The following MYBL1 variants were observed in gnomAD, a reference collection of about 807,000 sequenced individuals.
The protein encoded by MYBL1 is myb-related protein A.
A neutral mutation model predicts 96.3 loss-of-function variants in MYBL1; 17 were observed. That is an observed-to-expected ratio of 0.18 (90% CI 0.12 to 0.26). The LOEUF (loss-of-function observed/expected upper bound fraction) is 0.26, where lower values mean the gene tolerates loss of function less well. MYBL1 is among the 10% of genes least tolerant of loss of function. The pLI is 1.00. For missense variants in MYBL1, 701 were observed against 882.9 expected, an observed-to-expected ratio of 0.79 and a Z score of 2.61; for synonymous variants, 282 against 292.7, an observed-to-expected ratio of 0.96 and a Z score of 0.37.
At chr8:66,583,370 T>C (rs1809291564) in intron 8 of MYBL1, among the ~76,000 whole-genome samples, 1 of 151,812 alleles carries the variant, frequency 6.6e-6, no homozygotes, top group African/African-American at 2.4e-5. Context: ...TAGAAATAAA[T>C]ACCTACACCA....
At chr8:66,603,769 G>A (rs1291698522) in intron 1 of MYBL1, among the ~76,000 whole-genome samples, 3 of 151,902 alleles carry the variant, frequency 2.0e-5, no homozygotes, top group Non-Finnish European at 4.4e-5. Flanking sequence ...CAAATCCCAC[G>A]CTTGAGATTA....
chr8:66,590,892 T>C (rs1809611431), intron 8 of MYBL1, among the ~76,000 whole-genome samples: 1 of 152,144 alleles, frequency 6.6e-6, no homozygotes, highest in South Asian at 2.1e-4. Context: ...TTAAATAGTT[T>C]CAAATAGTTA....
At chr8:66,580,010 T>C (rs1809134552) in intron 9 of MYBL1, 123 bp downstream of exon 9, 1 of 703,948 alleles carries the variant, frequency 1.4e-6, no homozygotes, top group African/African-American at 1.8e-5. Flanking sequence ...CTGCAAAATA[T>C]CAGAACAAAA....
At chr8:66,584,409 T>C (rs1809333795) in intron 8 of MYBL1, among the ~76,000 whole-genome samples, 1 of 151,948 alleles carries the variant, frequency 6.6e-6, no homozygotes, top group Admixed American at 6.6e-5. Context: ...GCATCCAAAA[T>C]GGAAAAAAGG....
rs1808422033 is a variant in MYBL1 at position 66,564,383 on chromosome 8, A to G, written c.*314T>C. ...AACAAAACTGCAGCATCAAGAGAGT[A>G]GCAACATATATCTTGTGAAGAAAAT... On this transcript the variant is annotated 3_prime_UTR_variant, in exon 16 of 16. Coordinates refer to ENST00000522677, the MANE Select transcript of MYBL1 (RefSeq NM_001080416.4). 5.8e-6 allele frequency: 1 copy of G among 171,114 alleles called. No homozygotes were observed. The highest frequency in any genetic ancestry group is 6.2e-5 in the Admixed American group (1 of 16,180). The allele number at this position is 171,114 out of a possible 1,614,324, so 10.6% of individuals were successfully genotyped here.
At chr8:66,575,267 AC>A (rs113567066) in intron 10 of MYBL1, among the ~76,000 whole-genome samples, 20,287 of 152,042 alleles carry the variant, frequency 0.13, 3,229 homozygotes, top group African/African-American at 0.38. Flanking sequence ...AAAAGGAAAA[AC>A]CTCAGTGGGC....
In MYBL1 at chr8:66,596,750, C is replaced by A. The variant is rs559488389; in HGVS notation, c.512+580G>T. ...TTCACAAGGTTGTTGGTCTGCTGTA[C>A]TAAACGCTATTAGAAAACATATGAA... On this transcript the variant is annotated intron_variant, in intron 5 of 15. Coordinates refer to ENST00000522677, the MANE Select transcript of MYBL1 (RefSeq NM_001080416.4). 2.6e-5 allele frequency among the ~76,000 whole-genome samples: 4 copies of A among 152,236 alleles called. No individual in the cohort carries two copies. In the South Asian group the frequency reaches 8.3e-4, roughly 32 times the overall value.
At chr8:66,575,922 T>C in intron 10 of MYBL1, 85 bp downstream of exon 10, 1 of 1,366,328 alleles carries the variant, frequency 7.3e-7, no homozygotes, top group Non-Finnish European at 1.0e-6. Flanking sequence ...TTATCAAAGC[T>C]ACCAACTGCT....
At chr8:66,582,261 C>T (rs1355072787) in intron 8 of MYBL1, among the ~76,000 whole-genome samples, 2 of 152,028 alleles carry the variant, frequency 1.3e-5, no homozygotes, top group African/African-American at 4.8e-5. Context: ...GGATTAAAAA[C>T]ACATGACCCA....
rs1192593258 is a variant in MYBL1, at chr8:66,601,577, G to A, written c.198+121C>T. ...CAACTAGAGGCAGACCAAACCAACA[G>A]GGATGTTTTTAGGAAGGAAACCTAA... On this transcript the variant is annotated intron_variant, in intron 3 of 15. Coordinates refer to ENST00000522677, the MANE Select transcript of MYBL1 (RefSeq NM_001080416.4). 4 of 591,446 alleles carry A rather than the reference G, an allele frequency of 6.8e-6. No homozygotes were observed. The Admixed American group carries it at 1.3e-4, about 19-fold the overall frequency. 36.6% of individuals were successfully genotyped at this position (591,446 alleles called of 1,614,324 possible). A position where few individuals can be genotyped will look rare whatever the true frequency, so the allele number is the denominator to read the frequency against.
chr8:66,586,825 A>G (rs1269482253), intron 8 of MYBL1, among the ~76,000 whole-genome samples: 1 of 152,234 alleles, frequency 6.6e-6, no homozygotes, highest in African/African-American at 2.4e-5. Context: ...ACACACATAC[A>G]TAGACACATA....
At chr8:66,601,254 C>G (rs1444260382) in intron 3 of MYBL1, among the ~76,000 whole-genome samples, 1 of 145,592 alleles carries the variant, frequency 6.9e-6, no homozygotes. Flanking sequence ...TAACGAACAG[C>G]AGGTGAATAG....
chr8:66,585,034 C>A (rs1049414644), intron 8 of MYBL1, among the ~76,000 whole-genome samples: 1 of 152,122 alleles, frequency 6.6e-6, no homozygotes, highest in Admixed American at 6.5e-5. Flanking sequence ...GTAGCAAAAA[C>A]AATGCTAAAA....
chr8:66,568,248 C>T (rs994078123), intron 12 of MYBL1, among the ~76,000 whole-genome samples: 2 of 151,918 alleles, frequency 1.3e-5, no homozygotes, highest in Admixed American at 6.6e-5. Context: ...TTAGTGTTTC[C>T]GTATACTTCT....
At chr8:66,580,068 G>T in intron 9 of MYBL1, 65 bp downstream of exon 9, 1 of 1,227,370 alleles carries the variant, frequency 8.1e-7, no homozygotes, top group Non-Finnish European at 1.2e-6. Context: ...CCAAAACTGA[G>T]TTTCTGAGCA....
At chr8:66,596,756 G>A (rs1223429668) in intron 5 of MYBL1, among the ~76,000 whole-genome samples, 3 of 152,078 alleles carry the variant, frequency 2.0e-5, no homozygotes, top group Admixed American at 6.6e-5. Flanking sequence ...TGTACTAAAC[G>A]CTATTAGAAA....
chr8:66,566,857 A>T lies in MYBL1; in HGVS notation c.1845+19T>A, dbSNP rs1435421018. Reference sequence around the variant, plus strand: ...TGGATACAATAAGACTTTTATTAACAATAATACTAGAAGATTACCTCTTGT... The same window carrying T: ...TGGATACAATAAGACTTTTATTAACTATAATACTAGAAGATTACCTCTTGT... On this transcript the variant is annotated intron_variant, in intron 13 of 15. Coordinates refer to ENST00000522677, the MANE Select transcript of MYBL1 (RefSeq NM_001080416.4). 6.9e-6 allele frequency: 11 copies of T among 1,595,108 alleles called. No homozygotes were observed. The Admixed American group carries it at 1.8e-4, about 27-fold the overall frequency.
At chr8:66,589,566 G>A (rs961827823) in intron 8 of MYBL1, among the ~76,000 whole-genome samples, 4 of 151,898 alleles carry the variant, frequency 2.6e-5, no homozygotes, top group Admixed American at 6.6e-5. Flanking sequence ...CTGCAGCCTC[G>A]ACCTCCCAGG....
At chr8:66,612,749 C>A in intron 1 of MYBL1, 70 bp downstream of exon 1, 1 of 1,317,288 alleles carries the variant, frequency 7.6e-7, no homozygotes, top group Non-Finnish European at 9.8e-7. Context: ...CGGGAGGGGG[C>A]AGCGGGATAG....
Sources: allele counts gnomAD v4.1 joint callset (sites outside exome capture counted in the v4.1 genomes callset), GRCh38; gene constraint gnomAD v4.1.1; transcripts MANE v1.5; gene names NCBI Gene and HGNC (gene_info 2026-07-23, HGNC 2026-07-21).